The following CDH12 variants were observed in gnomAD, a reference collection of about 807,000 sequenced individuals.
The protein encoded by CDH12 is cadherin 12, also known as cadherin-12.
Under a neutral mutation model 74.1 loss-of-function variants are expected in CDH12, and 41 were observed. The ratio of observed to expected loss-of-function variants is 0.55; its 90% CI spans 0.43 to 0.72. The LOEUF (loss-of-function observed/expected upper bound fraction) is 0.72. CDH12 is among the 30% of genes least tolerant of loss of function. The pLI is 0.00. For missense variants in CDH12, 945 were observed against 977.2 expected, an observed-to-expected ratio of 0.97 and a Z score of 0.44; for synonymous variants, 399 against 355.0, an observed-to-expected ratio of 1.12 and a Z score of -1.39.
intron 3 of CDH12, among the ~76,000 whole-genome samples, chr5:22,360,254 C>T (rs1436012429): frequency 2.0e-5 from 3 of 152,022 alleles, no homozygotes; most frequent in Non-Finnish European, 2.9e-5. Context: ...GGGATATCAC[C>T]ACCGATCCCA....
chr5:21,821,197 G>C (rs572938654), intron 8 of CDH12, among the ~76,000 whole-genome samples: 1 of 151,652 alleles, frequency 6.6e-6, no homozygotes, highest in Non-Finnish European at 1.5e-5. Context: ...CGGGGAGAGT[G>C]GGGACAGGTA....
chr5:22,206,999 G>A (rs555354799), intron 4 of CDH12, among the ~76,000 whole-genome samples: 5 of 151,132 alleles, frequency 3.3e-5, no homozygotes, highest in East Asian at 3.9e-4. Flanking sequence ...GGATCACGAG[G>A]TCAGGAGATC....
chr5:22,746,325 A>T (rs957586619), intron 1 of CDH12, among the ~76,000 whole-genome samples: 1 of 152,128 alleles, frequency 6.6e-6, no homozygotes, highest in South Asian at 2.1e-4. Flanking sequence ...CAACAATTTT[A>T]AAAAAAGAAG....
chr5:22,688,751 T>A (rs1292078325), intron 1 of CDH12, among the ~76,000 whole-genome samples: 1 of 150,172 alleles, frequency 6.7e-6, no homozygotes, highest in Non-Finnish European at 1.5e-5. Context: ...CTACAAAAAA[T>A]AAACACAAAT....
At chr5:22,328,699 A>T (rs1328422479) in intron 3 of CDH12, among the ~76,000 whole-genome samples, 1 of 152,200 alleles carries the variant, frequency 6.6e-6, no homozygotes, top group Non-Finnish European at 1.5e-5. Flanking sequence ...AAAATTGATG[A>T]AGGCTTTGAA....
At chr5:21,880,165 C>A (rs892344388) in intron 6 of CDH12, among the ~76,000 whole-genome samples, 1 of 152,150 alleles carries the variant, frequency 6.6e-6, no homozygotes, top group Non-Finnish European at 1.5e-5. Flanking sequence ...GAGGGTTCAC[C>A]GACTTGGAAG....
At chr5:21,860,929 C>A (rs566948982) in intron 6 of CDH12, among the ~76,000 whole-genome samples, 1 of 152,088 alleles carries the variant, frequency 6.6e-6, no homozygotes, top group African/African-American at 2.4e-5. Context: ...CCTTAATAAA[C>A]CCCCCTTCAT....
chr5:21,871,841 C>A (rs1441069337), intron 6 of CDH12, among the ~76,000 whole-genome samples: 2 of 152,114 alleles, frequency 1.3e-5, no homozygotes, highest in Non-Finnish European at 2.9e-5. Context: ...CTCCTATCCT[C>A]AACTCTCACC....
intron 1 of CDH12, among the ~76,000 whole-genome samples, chr5:22,764,185 C>G (rs776074222): frequency 7.3e-5 from 11 of 151,644 alleles, no homozygotes; most frequent in African/African-American, 2.7e-4. Flanking sequence ...TTTGATTTTA[C>G]CTCAGGTTTT....
chr5:22,486,247 T>C (rs1746588728), intron 2 of CDH12, among the ~76,000 whole-genome samples: 1 of 152,170 alleles, frequency 6.6e-6, no homozygotes, highest in Non-Finnish European at 1.5e-5. Flanking sequence ...TTTCCTATCA[T>C]ACACTAGGTC....
At chr5:21,949,490 C>G (rs1401687956) in intron 6 of CDH12, among the ~76,000 whole-genome samples, 27 of 151,544 alleles carry the variant, frequency 1.8e-4, no homozygotes, top group Non-Finnish European at 2.9e-4. Flanking sequence ...TGTAAAACAG[C>G]CTCACAGTGG....
chr5:22,317,976 A>G (rs34102294), intron 3 of CDH12, among the ~76,000 whole-genome samples: 62,512 of 152,018 alleles, frequency 0.41, 12,969 homozygotes, highest in East Asian at 0.48. Flanking sequence ...GGCAAATAAT[A>G]CATTTTCTGA....
chr5:22,287,250 C>A (rs1737180669), intron 3 of CDH12, among the ~76,000 whole-genome samples: 1 of 152,084 alleles, frequency 6.6e-6, no homozygotes, highest in Non-Finnish European at 1.5e-5. Flanking sequence ...GTTTTGGTTT[C>A]TTTTACCTAC....
chr5:22,363,134 C>T (rs1466997207), intron 3 of CDH12, among the ~76,000 whole-genome samples: 4 of 151,808 alleles, frequency 2.6e-5, no homozygotes, highest in Admixed American at 2.6e-4. Context: ...GTATATTAGA[C>T]ATATATTTTC....
chr5:22,573,382 C>A (rs1311334810), intron 1 of CDH12, among the ~76,000 whole-genome samples: 1 of 152,114 alleles, frequency 6.6e-6, no homozygotes, highest in Non-Finnish European at 1.5e-5. Context: ...TTCGAGAACA[C>A]TTCCCCAAAT....
chr5:22,509,259 C>A (rs544609561), intron 1 of CDH12, among the ~76,000 whole-genome samples: 1 of 152,262 alleles, frequency 6.6e-6, no homozygotes, highest in South Asian at 2.1e-4. Context: ...CTACTGATAA[C>A]CTGCAATTAT....
rs796609990 is a variant in CDH12, at chr5:22,586,065, G to C, written c.-522-80701C>G. ...CGTATGTTTATTGTGGCACTATTCA[G>C]AATAGCAAAGACTTGGAACCAACCC... is the stretch of plus-strand genomic sequence containing the variant. On this transcript the variant is annotated intron_variant, in intron 1 of 14. Transcript: ENST00000382254. Among the ~76,000 whole-genome samples, 35 of 152,196 alleles carry C rather than the reference G, an allele frequency of 2.3e-4. No homozygotes were observed. In the East Asian group the frequency reaches 6.4e-3, roughly 28 times the overall value.
chr5:22,085,089 C>T (rs559268113), intron 4 of CDH12, among the ~76,000 whole-genome samples: 1 of 152,230 alleles, frequency 6.6e-6, no homozygotes, highest in East Asian at 1.9e-4. Flanking sequence ...GCTTCCTCAT[C>T]TTTTGTAGAG....
intron 2 of CDH12, among the ~76,000 whole-genome samples, chr5:22,496,742 G>A (rs1747117208): frequency 6.6e-6 from 1 of 152,078 alleles, no homozygotes; most frequent in Non-Finnish European, 1.5e-5. Flanking sequence ...AATTGACCCA[G>A]TTGAAAGGCT....
Sources: gnomAD v4.1 joint callset for allele counts (sites outside exome capture counted in the v4.1 genomes callset) on GRCh38, gnomAD v4.1.1 for gene constraint, MANE v1.5 for transcripts, NCBI Gene and HGNC (gene_info 2026-07-23, HGNC 2026-07-21) for gene names.